ROBO2: variants seen among roughly 807,000 people sequenced by gnomAD.
ROBO2 encodes roundabout guidance receptor 2.
In ROBO2, 53 loss-of-function variants were observed where a neutral mutation model predicts 160.8. The ratio of observed to expected loss-of-function variants is 0.33; its 90% CI spans 0.26 to 0.41. The LOEUF is 0.41. Ranked by LOEUF, ROBO2 falls within the 10% of genes least tolerant of loss-of-function variation. The probability of loss-of-function intolerance (pLI) is 1.00; values close to 1 mark genes in which losing one functional copy is unlikely to be tolerated. For synonymous variants in ROBO2, 664 were observed against 611.7 expected, an observed-to-expected ratio of 1.09 and a Z score of -1.26; for missense variants, 1,577 against 1,722.4, an observed-to-expected ratio of 0.92 and a Z score of 1.49.
At chr3:76,079,888 T>A (rs1292750854) in intron 2 of ROBO2, among the ~76,000 whole-genome samples, 1 of 152,090 alleles carries the variant, frequency 6.6e-6, no homozygotes. Context: ...TCCTAAAAGA[T>A]TGGCCTTACT....
intron 2 of ROBO2, among the ~76,000 whole-genome samples, chr3:77,246,167 G>A (rs773643242): frequency 4.6e-5 from 7 of 152,014 alleles, no homozygotes; most frequent in Non-Finnish European, 8.8e-5. Context: ...CTGCCTCATG[G>A]GTAAATGGAA....
intron 2 of ROBO2, among the ~76,000 whole-genome samples, chr3:77,332,438 C>T (rs1216286341): frequency 6.6e-6 from 1 of 152,050 alleles, no homozygotes; most frequent in Non-Finnish European, 1.5e-5. Context: ...TGGTTAAAAG[C>T]TCTGGAAATG....
intron 2 of ROBO2, among the ~76,000 whole-genome samples, chr3:77,349,043 C>T (rs1324720599): frequency 2.0e-5 from 3 of 152,160 alleles, no homozygotes; most frequent in African/African-American, 7.2e-5. Flanking sequence ...GCTTCTTCTT[C>T]TCACTTACCT....
At chr3:76,452,028 G>A (rs1220353170) in intron 2 of ROBO2, among the ~76,000 whole-genome samples, 2 of 152,028 alleles carry the variant, frequency 1.3e-5, no homozygotes, top group Admixed American at 6.6e-5. Context: ...GAATTTTAAC[G>A]TATCTGAGAA....
At chr3:77,620,007 T>C (rs2094867645) in intron 22 of ROBO2, among the ~76,000 whole-genome samples, 1 of 152,100 alleles carries the variant, frequency 6.6e-6, no homozygotes, top group African/African-American at 2.4e-5. Flanking sequence ...CTTAGAAGAG[T>C]GTCCCACTTA....
At chr3:76,209,618 G>T (rs1311325550) in intron 2 of ROBO2, among the ~76,000 whole-genome samples, 1 of 152,106 alleles carries the variant, frequency 6.6e-6, no homozygotes, top group Admixed American at 6.6e-5. Context: ...TCATAGGAAG[G>T]TAAGATTGGT....
chr3:77,126,713 T>TATATATATATATATATATATATATATA (rs564861880), intron 2 of ROBO2, among the ~76,000 whole-genome samples: 4 of 138,794 alleles, frequency 2.9e-5, no homozygotes, highest in African/African-American at 1.3e-4. Flanking sequence ...TATATATATA[T>TATATATATATATATATATATATATATA]TTTTTTTCCT....
intron 2 of ROBO2, among the ~76,000 whole-genome samples, chr3:76,459,916 CA>C (rs1335101968): frequency 6.6e-6 from 1 of 151,976 alleles, no homozygotes; most frequent in African/African-American, 2.4e-5. Flanking sequence ...TGTGGTTTAA[CA>C]AATGAACCAA....
At chr3:76,050,596 A>C (rs1332474851) in intron 2 of ROBO2, among the ~76,000 whole-genome samples, 1 of 152,140 alleles carries the variant, frequency 6.6e-6, no homozygotes, top group Non-Finnish European at 1.5e-5. Flanking sequence ...AAGGTTATAA[A>C]TACCACCCAC....
chr3:77,147,982 T>C (rs2150498122), intron 2 of ROBO2, among the ~76,000 whole-genome samples: 1 of 152,308 alleles, frequency 6.6e-6, no homozygotes, highest in South Asian at 2.1e-4. Flanking sequence ...TTTGAGCAAA[T>C]GAGCAGCCTT....
At chr3:76,037,872 A>G (rs2067165268) in intron 2 of ROBO2, among the ~76,000 whole-genome samples, 1 of 152,124 alleles carries the variant, frequency 6.6e-6, no homozygotes, top group Admixed American at 6.5e-5. Flanking sequence ...TTAAAAACAA[A>G]GAAAGATTCG....
chr3:76,315,987 C>T (rs2071989695), intron 2 of ROBO2, among the ~76,000 whole-genome samples: 1 of 152,098 alleles, frequency 6.6e-6, no homozygotes, highest in South Asian at 2.1e-4. Flanking sequence ...CATGATGCCC[C>T]CTGAGCTGGA....
chr3:77,381,872 G>T (rs1224884145), intron 2 of ROBO2, among the ~76,000 whole-genome samples: 1 of 151,888 alleles, frequency 6.6e-6, no homozygotes, highest in Non-Finnish European at 1.5e-5. Context: ...ATTTATCCTG[G>T]ACATTTTCTG....
chr3:76,233,307 C>T (rs980840793), intron 2 of ROBO2, among the ~76,000 whole-genome samples: 2 of 152,044 alleles, frequency 1.3e-5, no homozygotes, highest in Non-Finnish European at 2.9e-5. Flanking sequence ...CCACACCCAG[C>T]TAATGTTTGT....
chr3:77,541,267 T>A (rs149300636), intron 6 of ROBO2, among the ~76,000 whole-genome samples: 7 of 152,270 alleles, frequency 4.6e-5, no homozygotes, highest in African/African-American at 1.4e-4. Flanking sequence ...GAACATGATG[T>A]GATTAACCTT....
At chr3:76,403,702 G>A (rs1436139684) in intron 2 of ROBO2, among the ~76,000 whole-genome samples, 1 of 151,586 alleles carries the variant, frequency 6.6e-6, no homozygotes, top group East Asian at 1.9e-4. Flanking sequence ...ACACAGCACA[G>A]CCATTATTGC....
At chr3:76,669,367 T>G (rs2092175652) in intron 2 of ROBO2, among the ~76,000 whole-genome samples, 1 of 152,178 alleles carries the variant, frequency 6.6e-6, no homozygotes, top group African/African-American at 2.4e-5. Flanking sequence ...TTTCTTTCTC[T>G]TAGCTTGTAA....
intron 2 of ROBO2, among the ~76,000 whole-genome samples, chr3:76,619,197 G>A (rs1019941347): frequency 4.0e-5 from 6 of 151,482 alleles, no homozygotes; most frequent in Non-Finnish European, 2.9e-5. Context: ...AAAATTAGCC[G>A]GGCGTGGTAG....
At chr3:76,798,308 G>GAAAGAAAGAA (rs1386837917) in intron 2 of ROBO2, among the ~76,000 whole-genome samples, 2 of 149,462 alleles carry the variant, frequency 1.3e-5, no homozygotes, top group South Asian at 2.1e-4. Flanking sequence ...AAGAAAGAAA[G>GAAAGAAAGAA]AAAGAAAAAA....
Sources: allele counts gnomAD v4.1 joint callset (sites outside exome capture counted in the v4.1 genomes callset), GRCh38; gene constraint gnomAD v4.1.1; transcripts MANE v1.5; gene names NCBI Gene and HGNC (gene_info 2026-07-23, HGNC 2026-07-21).